The following IDO1 variants were observed in gnomAD, a reference collection of about 807,000 sequenced individuals.
IDO1 encodes the protein indolamine 2,3 dioxygenase.
Under a neutral mutation model 38.8 loss-of-function variants are expected in IDO1, and 35 were observed. That is an observed-to-expected ratio of 0.90 (90% confidence interval 0.69 to 1.20). The LOEUF (loss-of-function observed/expected upper bound fraction) is 1.20. Ranked by LOEUF, IDO1 falls within the 50% of genes most tolerant of loss-of-function variation. The pLI is 0.00. For synonymous variants in IDO1, 171 were observed against 170.0 expected (o/e 1.01, Z -0.05); for missense variants, 509 against 485.1 (o/e 1.05, Z -0.46).
At chr8:39,925,869 G>A (rs755608150) in intron 9 of IDO1, among the ~76,000 whole-genome samples, 3 of 151,680 alleles carry the variant, frequency 2.0e-5, no homozygotes, top group Non-Finnish European at 4.4e-5. Flanking sequence ...GGGCAAAAGA[G>A]CAAAACTCCA....
At chr8:39,922,465 T>C in intron 5 of IDO1, 87 bp from the exon 6 acceptor site, 1 of 840,532 alleles carries the variant, frequency 1.2e-6, no homozygotes. Context: ...AAAATTATGT[T>C]GAAACTAAAA....
intron 7 of IDO1, among the ~76,000 whole-genome samples, chr8:39,924,437 GT>G (rs985392912): frequency 5.3e-5 from 8 of 150,536 alleles, no homozygotes; most frequent in Admixed American, 1.3e-4. Flanking sequence ...GTTTTGATTT[GT>G]TTTTTTTTGT....
At chr8:39,918,552 C>T (rs1190094518) in intron 3 of IDO1, 7 of 464,606 alleles carry the variant, frequency 1.5e-5, no homozygotes, top group Non-Finnish European at 2.7e-5. Flanking sequence ...TCAAGACCAA[C>T]TTGGCTAACA....
chr8:39,924,706 T>C lies in IDO1; in HGVS notation c.656-15T>C. 1 of 1,579,872 alleles carries C rather than the reference T, an allele frequency of 6.3e-7. No individual in the cohort carries two copies. The highest frequency in any genetic ancestry group is 8.7e-7 in the Non-Finnish European group (1 of 1,149,958). ...TCTGATGCTGCTTAATTAAACATAT[T>C]CCATCTTTTTACAGATCATGTGAAC... On this transcript the variant is annotated splice_polypyrimidine_tract_variant and intron_variant, in intron 7 of 9. Transcript: ENST00000518237.
chr8:39,917,807 A>G (rs1389410270), intron 1 of IDO1, 68 bp from the exon 2 acceptor site: 3 of 989,408 alleles, frequency 3.0e-6, no homozygotes, highest in Non-Finnish European at 4.7e-6. Flanking sequence ...GGCAAGGCAT[A>G]CTATCAGTGG....
chr8:39,916,754 T>C (rs542303577), intron 1 of IDO1, among the ~76,000 whole-genome samples: 2 of 152,336 alleles, frequency 1.3e-5, no homozygotes, highest in South Asian at 4.1e-4. Flanking sequence ...TGATTCATTT[T>C]TAATTTATAT....
At chr8:39,926,298 T>G (rs1232834797) in intron 9 of IDO1, among the ~76,000 whole-genome samples, 3 of 152,348 alleles carry the variant, frequency 2.0e-5, no homozygotes, top group African/African-American at 7.2e-5. Context: ...TAAAGACTGG[T>G]TGACTCCGGT....
Position 39,928,234 on chromosome 8 carries a change from A to C in IDO1, c.*49A>C. 2 of 1,271,160 alleles carry C rather than the reference A, an allele frequency of 1.6e-6. No homozygotes were observed. Among genetic ancestry groups the C allele is most frequent in the Non-Finnish European group, 2.2e-6 (2 of 905,680 alleles). 78.7% of individuals were successfully genotyped at this position (1,271,160 alleles called of 1,614,324 possible). A position where few individuals can be genotyped will look rare whatever the true frequency, so the allele number is the denominator to read the frequency against. On this transcript the variant is annotated 3_prime_UTR_variant, in exon 10 of 10. Coordinates refer to ENST00000518237, the MANE Select transcript of IDO1 (RefSeq NM_002164.6). Reference sequence around the variant, plus strand: ...TATCATAGCAGAGACATCTGTATGCATTCCTGTCATTACCCATTGTAACAG... The same window carrying C: ...TATCATAGCAGAGACATCTGTATGCCTTCCTGTCATTACCCATTGTAACAG...
chr8:39,927,388 C>T (rs536618191), intron 9 of IDO1, among the ~76,000 whole-genome samples: 1 of 151,848 alleles, frequency 6.6e-6, no homozygotes, highest in East Asian at 1.9e-4. Context: ...TGGAGAAACC[C>T]TGTCTCTACT....
Position 39,918,627 on chromosome 8 carries a change from T to G in IDO1, c.304-188T>G, listed in dbSNP as rs371802541. On this transcript the variant is annotated intron_variant, in intron 3 of 9. Coordinates refer to ENST00000518237, the MANE Select transcript of IDO1 (RefSeq NM_002164.6). ...CAGGCATGGTGGCAGGTGCCTATAATCCCAGCTACTCGGGAGGCTGAGGTG... is the reference window on the plus strand; with the variant it reads ...CAGGCATGGTGGCAGGTGCCTATAAGCCCAGCTACTCGGGAGGCTGAGGTG... Among the ~76,000 whole-genome samples the G allele has an allele frequency of 2.0e-3, 299 of 150,172 alleles. 2 individuals carry two copies. The highest frequency in any genetic ancestry group is 6.9e-3 in the African/African-American group (284 of 40,878).
In IDO1 at chr8:39,919,151, A is replaced by C. The variant is rs181624592; in HGVS notation, c.422+218A>C. On this transcript the variant is annotated intron_variant, in intron 4 of 9. Coordinates refer to ENST00000518237, the MANE Select transcript of IDO1 (RefSeq NM_002164.6). ...GTGTATAGTTAACACAGTAAAATGC[A>C]CAAATCTTAAGTGTTCAGCTTGAAT... 8.6e-4 allele frequency: 595 copies of C among 688,340 alleles called. 2 individuals carry two copies. In the African/African-American group the frequency reaches 9.6e-3, roughly 11 times the overall value. 42.6% of individuals were successfully genotyped at this position (688,340 alleles called of 1,614,324 possible). A position where few individuals can be genotyped will look rare whatever the true frequency, so the allele number is the denominator to read the frequency against.
At position 39,918,875 on chromosome 8, in the gene IDO1, C is replaced by T. The variant is rs1421926395; in HGVS notation, c.364C>T (p.Pro122Ser). Residue 122 changes from proline to serine, a missense_variant, in exon 4 of 10, where the codon CCT becomes TCT. Pro to Ser is a moderately conservative substitution (Grantham distance 74). Coordinates refer to ENST00000518237, the MANE Select transcript of IDO1 (RefSeq NM_002164.6). ...ACTCTCCAAGAAACTGGAACTGCCT[C>T]CTATTTTGGTTTATGCAGACTGTGT... is the stretch of plus-strand genomic sequence containing the variant. ...CQLSKKLELPPILVYADCVLA... is the reference protein window; with the variant it reads ...CQLSKKLELPSILVYADCVLA... 6.2e-7 allele frequency: 1 copy of T among 1,613,328 alleles called. No individual in the cohort carries two copies. The highest frequency in any genetic ancestry group is 8.5e-7 in the Non-Finnish European group (1 of 1,179,610).
At chr8:39,925,440 C>T (rs1475229770) in intron 9 of IDO1, 69 bp downstream of exon 9, 2 of 1,412,190 alleles carry the variant, frequency 1.4e-6, no homozygotes, top group Admixed American at 2.3e-5. Context: ...ATCTACAAAG[C>T]ACCTTCCCAT....
chr8:39,915,530 T>C (rs942016106), intron 1 of IDO1: 2 of 152,210 alleles, frequency 1.3e-5, no homozygotes, highest in African/African-American at 2.4e-5. Flanking sequence ...CCTCTTCAGA[T>C]TGTTAATTAA....
At chr8:39,923,342 T>C (rs550050484) in intron 6 of IDO1, 127 bp from the exon 7 acceptor site, 68 of 557,608 alleles carry the variant, frequency 1.2e-4, no homozygotes, top group African/African-American at 1.1e-3. Flanking sequence ...AGGCAGAGCT[T>C]GCAGTGAGCT....
At chr8:39,914,087 C>A in intron 1 of IDO1, 78 bp downstream of exon 1, 2 of 1,019,272 alleles carry the variant, frequency 2.0e-6, no homozygotes, top group Non-Finnish European at 1.5e-6. Context: ...TTCTACTGAA[C>A]AACTGTGGTT....
At chr8:39,920,003 A>T (rs976503647) in intron 4 of IDO1, 97 bp from the exon 5 acceptor site, 1 of 1,056,152 alleles carries the variant, frequency 9.5e-7, no homozygotes, top group Non-Finnish European at 1.5e-6. Flanking sequence ...TGATAGTAGC[A>T]TTCAATCAAA....
chr8:39,917,741 T>G (rs1586209184), intron 1 of IDO1, 134 bp from the exon 2 acceptor site: 5 of 623,202 alleles, frequency 8.0e-6, no homozygotes. Context: ...CAGAGGCTGG[T>G]GTTTCCAGAC....
At chr8:39,915,467 A>G (rs565335057) in intron 1 of IDO1, among the ~76,000 whole-genome samples, 6 of 152,358 alleles carry the variant, frequency 3.9e-5, no homozygotes, top group African/African-American at 1.4e-4. Flanking sequence ...TCCTGTAAAC[A>G]ATTTGGTGAT....
Sources: gnomAD v4.1 joint callset for allele counts (sites outside exome capture counted in the v4.1 genomes callset) on GRCh38, gnomAD v4.1.1 for gene constraint, MANE v1.5 for transcripts, NCBI Gene and HGNC (gene_info 2026-07-23, HGNC 2026-07-21) for gene names.